The following CRB1 variants were observed in gnomAD, a reference collection of about 807,000 sequenced individuals.
CRB1 encodes the protein crumbs cell polarity complex component 1.
Under a neutral mutation model 120.0 loss-of-function variants are expected in CRB1, and 83 were observed. The ratio of observed to expected loss-of-function variants is 0.69; its 90% CI spans 0.58 to 0.83. The LOEUF (loss-of-function observed/expected upper bound fraction) is 0.83. Among genes scored for constraint, CRB1 ranks in the 40% least tolerant of loss-of-function variants. The pLI is 0.00. For missense variants in CRB1, 1,699 were observed against 1,687.6 expected, an observed-to-expected ratio of 1.01 and a Z score of -0.12; for synonymous variants, 625 against 612.5, an observed-to-expected ratio of 1.02 and a Z score of -0.30.
intron 11 of CRB1, among the ~76,000 whole-genome samples, chr1:197,473,770 A>T (rs148019976): frequency 6.6e-6 from 1 of 152,038 alleles, no homozygotes; most frequent in East Asian, 1.9e-4. Context: ...CTCCATCATC[A>T]GTTCATGTGT....
At chr1:197,276,313 G>A (rs1216096330) in intron 1 of CRB1, among the ~76,000 whole-genome samples, 1 of 151,788 alleles carries the variant, frequency 6.6e-6, no homozygotes, top group East Asian at 1.9e-4. Flanking sequence ...CCAATGTAAA[G>A]TTAGTTGTCC....
chr1:197,277,649 C>A (rs1655288161), intron 1 of CRB1, among the ~76,000 whole-genome samples: 1 of 151,890 alleles, frequency 6.6e-6, no homozygotes, highest in African/African-American at 2.4e-5. Context: ...TTTTCATTAT[C>A]TATTCTTTTA....
intron 5 of CRB1, among the ~76,000 whole-genome samples, chr1:197,409,265 G>C (rs182939378): frequency 1.2e-4 from 19 of 152,118 alleles, no homozygotes; most frequent in African/African-American, 4.8e-5. Flanking sequence ...TACCAACATA[G>C]TAACACCACA....
the CRB1 span, among the ~76,000 whole-genome samples, chr1:197,248,220 A>G: frequency 1.3e-3 from 194 of 152,162 alleles, 1 homozygote; most frequent in Non-Finnish European, 2.2e-3. Flanking sequence ...AACTGAGCAC[A>G]ATTTTCTCAT....
intron 5 of CRB1, among the ~76,000 whole-genome samples, chr1:197,396,173 G>C (rs1662761978): frequency 6.6e-6 from 1 of 152,056 alleles, no homozygotes. Context: ...TAAAAAATTA[G>C]TTGTTTTTAT....
the CRB1 span, chr1:197,222,256 C>T: frequency 1.7e-5 from 9 of 528,774 alleles, no homozygotes; most frequent in Admixed American, 7.1e-5. Flanking sequence ...TCGTTGGTGG[C>T]GGGTGTTTGA....
intron 1 of CRB1, among the ~76,000 whole-genome samples, chr1:197,293,526 T>A (rs1571782312): frequency 6.6e-6 from 1 of 152,140 alleles, no homozygotes; most frequent in Admixed American, 6.6e-5. Context: ...CCCATCAAGC[T>A]ACCAATGACT....
At chr1:197,364,072 G>T (rs983199883) in intron 5 of CRB1, 52 of 1,298,790 alleles carry the variant, frequency 4.0e-5, no homozygotes, top group Non-Finnish European at 5.1e-5. Flanking sequence ...TCCGTGGCGG[G>T]GCTGCTGAGG....
At chr1:197,209,354 TG>T in the CRB1 span, among the ~76,000 whole-genome samples, 2 of 152,136 alleles carry the variant, frequency 1.3e-5, no homozygotes, top group Non-Finnish European at 2.9e-5. Flanking sequence ...TGTTTTGTTT[TG>T]TTTTTTTGAG....
chr1:197,439,140 C>A, intron 10 of CRB1: 1 of 167,280 alleles, frequency 6.0e-6, no homozygotes, highest in Non-Finnish European at 1.3e-5. Flanking sequence ...TACAGGAATT[C>A]TTAAAATGGA....
intron 1 of CRB1, among the ~76,000 whole-genome samples, chr1:197,301,024 GA>G (rs200109663): frequency 0.16 from 23,858 of 147,204 alleles, 2,124 homozygotes; most frequent in Middle Eastern, 0.24. Context: ...TAATGCTCAG[GA>G]AAAAAAAAAA....
At position 197,421,568 on chromosome 1, in the gene CRB1, T is replaced by C. The variant is rs2125470719; in HGVS notation, c.1740T>C (p.Leu580=). The change falls in exon 6 of 12, where the codon CTT becomes CTC. Residue 580 remains leucine, a synonymous_variant. Transcript: ENST00000367400. ...VEVIFAEAVT[L]TLIDDSCKEK... is the part of the protein sequence containing the mutation. The stretch of plus-strand genomic sequence containing the variant: ...TAATATTTGCAGAGGCTGTGACCCT[T>C]ACCTTAATCGACGACTCCTGTAAGG... The C allele has an allele frequency of 5.6e-6, 9 of 1,614,242 alleles. No individual in the cohort carries two copies. Among genetic ancestry groups the C allele is most frequent in the Non-Finnish European group, 7.6e-6 (9 of 1,180,042 alleles).
chr1:197,386,552 A>G (rs1418468178), intron 5 of CRB1, among the ~76,000 whole-genome samples: 1 of 152,170 alleles, frequency 6.6e-6, no homozygotes, highest in Non-Finnish European at 1.5e-5. Flanking sequence ...GATTTAAAAA[A>G]CAACATGATC....
chr1:197,389,891 T>C (rs1374095622), intron 5 of CRB1, among the ~76,000 whole-genome samples: 1 of 152,066 alleles, frequency 6.6e-6, no homozygotes, highest in African/African-American at 2.4e-5. Context: ...CAGGAGCCAC[T>C]CCACCAAACT....
chr1:197,393,313 A>G (rs1301963545), intron 5 of CRB1, among the ~76,000 whole-genome samples: 1 of 152,076 alleles, frequency 6.6e-6, no homozygotes, highest in African/African-American at 2.4e-5. Flanking sequence ...TGCTCCTCCT[A>G]CCTTAATGGC....
chr1:197,261,199 C>A, the CRB1 span, among the ~76,000 whole-genome samples: 1 of 152,098 alleles, frequency 6.6e-6, no homozygotes, highest in East Asian at 1.9e-4. Flanking sequence ...CCTTTACATA[C>A]CCAATAGCCA....
chr1:197,406,379 A>G (rs1447976579), intron 5 of CRB1, among the ~76,000 whole-genome samples: 2 of 152,122 alleles, frequency 1.3e-5, no homozygotes, highest in Admixed American at 1.3e-4. Flanking sequence ...TGAAGGCAGC[A>G]TGCTCGTTAA....
At chr1:197,341,831 G>A (rs1571868847) in intron 2 of CRB1, among the ~76,000 whole-genome samples, 1 of 152,038 alleles carries the variant, frequency 6.6e-6, no homozygotes, top group East Asian at 1.9e-4. Context: ...CATTCTTAAG[G>A]CCAAGAGGGA....
At chr1:197,388,561 A>G (rs571591165) in intron 5 of CRB1, among the ~76,000 whole-genome samples, 9 of 152,086 alleles carry the variant, frequency 5.9e-5, no homozygotes, top group Non-Finnish European at 1.3e-4. Context: ...TGAGGAAATC[A>G]ATCAGCAGTT....
Sources: gnomAD v4.1 joint callset for allele counts (sites outside exome capture counted in the v4.1 genomes callset) on GRCh38, gnomAD v4.1.1 for gene constraint, MANE v1.5 for transcripts, NCBI Gene and HGNC (gene_info 2026-07-23, HGNC 2026-07-21) for gene names.